ARHGAP10: variants seen among roughly 807,000 people sequenced by gnomAD.
The protein encoded by ARHGAP10 is rho GTPase-activating protein 10.
A neutral mutation model predicts 108.6 loss-of-function variants in ARHGAP10; 87 were observed. That is an observed-to-expected ratio of 0.80 (90% CI 0.67 to 0.96). The LOEUF is 0.96. ARHGAP10 is among the 40% of genes least tolerant of loss of function. ARHGAP10 has a pLI of 0.00. For missense variants in ARHGAP10, 939 were observed against 954.5 expected (o/e 0.98, Z 0.21); for synonymous variants, 347 against 341.1 (o/e 1.02, Z -0.19).
chr4:147,985,797 A>G (rs1166256147), intron 18 of ARHGAP10, among the ~76,000 whole-genome samples: 5 of 152,128 alleles, frequency 3.3e-5, no homozygotes, highest in Admixed American at 2.0e-4. Flanking sequence ...CTTTTCCCCA[A>G]GTTAGCTCCA....
chr4:147,936,305 T>C (rs1560834251), intron 13 of ARHGAP10, among the ~76,000 whole-genome samples: 1 of 146,866 alleles, frequency 6.8e-6, no homozygotes, highest in Non-Finnish European at 1.5e-5. Context: ...CTGTGCGGCC[T>C]CCTTTTCCTC....
At chr4:147,927,487 A>T (rs1447835848) in intron 13 of ARHGAP10, among the ~76,000 whole-genome samples, 5 of 152,208 alleles carry the variant, frequency 3.3e-5, no homozygotes, top group Non-Finnish European at 7.3e-5. Flanking sequence ...ATTGCATTTT[A>T]TGTTTTTGGA....
chr4:148,062,996 C>A, intron 20 of ARHGAP10, 152 bp from the exon 21 acceptor site: 1 of 945,860 alleles, frequency 1.1e-6, no homozygotes, highest in Non-Finnish European at 1.6e-6. Flanking sequence ...GTTTGGGCTG[C>A]AGCCCCGGCA....
chr4:147,968,442 C>G (rs775089134), intron 18 of ARHGAP10, among the ~76,000 whole-genome samples: 2 of 152,184 alleles, frequency 1.3e-5, no homozygotes, highest in Non-Finnish European at 2.9e-5. Flanking sequence ...GAAGTTATTA[C>G]CCCTTTTGTT....
At chr4:147,789,943 A>G (rs1302917537) in intron 1 of ARHGAP10, among the ~76,000 whole-genome samples, 6 of 151,868 alleles carry the variant, frequency 4.0e-5, no homozygotes, top group South Asian at 2.1e-4. Flanking sequence ...CCTATTAGCA[A>G]TTAAGAAGGT....
At chr4:147,791,230 G>T (rs954103145) in intron 1 of ARHGAP10, among the ~76,000 whole-genome samples, 2 of 151,412 alleles carry the variant, frequency 1.3e-5, no homozygotes, top group South Asian at 4.2e-4. Context: ...TCCTGCCTCG[G>T]CCTCCTGAGT....
At chr4:148,067,778 G>C (rs755851253) in intron 22 of ARHGAP10, among the ~76,000 whole-genome samples, 1 of 152,198 alleles carries the variant, frequency 6.6e-6, no homozygotes, top group Non-Finnish European at 1.5e-5. Flanking sequence ...TTTGGGATGT[G>C]TGCAGCTGTG....
At chr4:147,931,781 C>T (rs112261387) in intron 13 of ARHGAP10, among the ~76,000 whole-genome samples, 4,866 of 152,130 alleles carry the variant, frequency 0.032, 263 homozygotes, top group African/African-American at 0.11. Flanking sequence ...GATTTCATGA[C>T]GAAGATGCCA....
chr4:147,844,304 C>T (rs1248976262), intron 3 of ARHGAP10, among the ~76,000 whole-genome samples: 2 of 151,962 alleles, frequency 1.3e-5, no homozygotes, highest in Admixed American at 6.6e-5. Context: ...AATAGGGTAT[C>T]CATCCGTTCA....
At chr4:147,892,546 A>G (rs981523113) in intron 10 of ARHGAP10, among the ~76,000 whole-genome samples, 3 of 151,952 alleles carry the variant, frequency 2.0e-5, no homozygotes, top group Non-Finnish European at 4.4e-5. Context: ...TCAGAGGTCT[A>G]AGGTGCTGTG....
intron 1 of ARHGAP10, among the ~76,000 whole-genome samples, chr4:147,803,585 C>G (rs904826371): frequency 1.3e-5 from 2 of 152,196 alleles, no homozygotes; most frequent in African/African-American, 2.4e-5. Flanking sequence ...TTTATTGCCC[C>G]TCTCCCATGC....
chr4:147,851,448 A>G (rs889518739), intron 4 of ARHGAP10, among the ~76,000 whole-genome samples: 5 of 152,122 alleles, frequency 3.3e-5, no homozygotes, highest in African/African-American at 1.2e-4. Context: ...CCTGGGCTCA[A>G]TTGATCCTCC....
Position 148,072,342 on chromosome 4 carries a change from A to T in ARHGAP10, c.*261A>T. 2.4e-6 allele frequency: 1 copy of T among 418,630 alleles called. No homozygotes were observed. Among genetic ancestry groups the T allele is most frequent in the African/African-American group, 2.0e-5 (1 of 48,898 alleles). 25.9% of individuals were successfully genotyped at this position (418,630 alleles called of 1,614,324 possible). The stretch of plus-strand genomic sequence containing the variant: ...CATTTGTCAAGTATTGGGACTTGTG[A>T]TTTTTAATTATCCAGCATATAGAAT... On this transcript the variant is annotated 3_prime_UTR_variant, in exon 23 of 23. Coordinates refer to ENST00000336498, the MANE Select transcript of ARHGAP10 (RefSeq NM_024605.4).
chr4:147,995,842 G>A (rs1039360893), intron 18 of ARHGAP10, among the ~76,000 whole-genome samples: 23 of 151,508 alleles, frequency 1.5e-4, no homozygotes, highest in Non-Finnish European at 2.5e-4. Flanking sequence ...TCAGCCTCCC[G>A]AGTAGCTGGG....
intron 1 of ARHGAP10, among the ~76,000 whole-genome samples, chr4:147,764,169 G>T (rs971429480): frequency 7.2e-5 from 11 of 152,212 alleles, no homozygotes; most frequent in East Asian, 3.8e-4. Context: ...TATAAAGCTT[G>T]TGAGAAAGCT....
Position 147,906,663 on chromosome 4 carries a change from G to C in ARHGAP10, c.1060G>C (p.Ala354Pro). The change falls in exon 11 of 23, where the codon GCA becomes CCA. Residue 354 changes from alanine (A) to proline (P), a missense_variant. Ala to Pro is a conservative substitution (Grantham distance 27). Coordinates refer to ENST00000336498, the MANE Select transcript of ARHGAP10 (RefSeq NM_024605.4). ...GCCTGGCGTTTCCTTGACCATGCAG[G>C]CATTTTCCGAAGAGGAAAGGAAGCA... ...DRPGVSLTMQ[A>P]FSEEERKQWL... 6.2e-7 allele frequency: 1 copy of C among 1,614,138 alleles called. No individual in the cohort carries two copies. Among genetic ancestry groups the C allele is most frequent in the Non-Finnish European group, 8.5e-7 (1 of 1,180,000 alleles).
intron 1 of ARHGAP10, among the ~76,000 whole-genome samples, chr4:147,782,962 A>T (rs1377422331): frequency 1.3e-4 from 18 of 138,772 alleles, no homozygotes; most frequent in Admixed American, 3.8e-4. Context: ...ATTATATATA[A>T]TATATTAAAT....
chr4:147,910,161 C>G (rs1028396001), intron 12 of ARHGAP10, among the ~76,000 whole-genome samples: 1 of 152,066 alleles, frequency 6.6e-6, no homozygotes, highest in African/African-American at 2.4e-5. Flanking sequence ...GCATGTACCA[C>G]CATACCTGGC....
intron 1 of ARHGAP10, among the ~76,000 whole-genome samples, chr4:147,757,849 G>A (rs1227365507): frequency 6.6e-6 from 1 of 152,116 alleles, no homozygotes; most frequent in Non-Finnish European, 1.5e-5. Context: ...TCCCTTCCCT[G>A]GGATCTGGTG....
Sources: gnomAD v4.1 joint callset for allele counts (sites outside exome capture counted in the v4.1 genomes callset) on GRCh38, gnomAD v4.1.1 for gene constraint, MANE v1.5 for transcripts, NCBI Gene and HGNC (gene_info 2026-07-23, HGNC 2026-07-21) for gene names.